The following OPCML variants were observed in gnomAD, a reference collection of about 807,000 sequenced individuals.
OPCML encodes the protein opioid binding protein/cell adhesion molecule like.
Under a neutral mutation model 37.8 loss-of-function variants are expected in OPCML, and 13 were observed. The ratio of observed to expected loss-of-function variants is 0.34; its 90% CI spans 0.22 to 0.55. The LOEUF is 0.55. OPCML is among the 20% of genes least tolerant of loss of function. OPCML has a pLI of 0.91. For synonymous variants in OPCML, 176 were observed against 168.8 expected (o/e 1.04, Z -0.33); for missense variants, 341 against 435.6 (o/e 0.78, Z 1.93).
chr11:132,775,020 T>C (rs1463608760), intron 2 of OPCML, among the ~76,000 whole-genome samples: 1 of 152,254 alleles, frequency 6.6e-6, no homozygotes, highest in Non-Finnish European at 1.5e-5. Context: ...AGAATGAATA[T>C]GAGAGCAGTT....
At chr11:132,995,740 A>G (rs1202169151) in intron 1 of OPCML, among the ~76,000 whole-genome samples, 1 of 152,208 alleles carries the variant, frequency 6.6e-6, no homozygotes, top group Non-Finnish European at 1.5e-5. Flanking sequence ...CAACCAGCTT[A>G]GGGACCCTGA....
chr11:133,050,561 G>A (rs1008554159), intron 1 of OPCML, among the ~76,000 whole-genome samples: 1 of 152,122 alleles, frequency 6.6e-6, no homozygotes, highest in Admixed American at 6.5e-5. Flanking sequence ...ATGAGGTGGA[G>A]CCCAGGGAGG....
chr11:132,703,200 G>A (rs546411145), intron 2 of OPCML, among the ~76,000 whole-genome samples: 15 of 152,178 alleles, frequency 9.9e-5, no homozygotes, highest in African/African-American at 3.4e-4. Flanking sequence ...ATACAACTAA[G>A]CTATATGGTA....
intron 1 of OPCML, among the ~76,000 whole-genome samples, chr11:133,021,940 C>G (rs922529789): frequency 6.6e-6 from 1 of 152,178 alleles, no homozygotes; most frequent in Non-Finnish European, 1.5e-5. Context: ...TAAGCACATG[C>G]AGTGATCTGA....
intron 3 of OPCML, among the ~76,000 whole-genome samples, chr11:132,635,739 A>G (rs1201120907): frequency 6.6e-6 from 1 of 152,190 alleles, no homozygotes; most frequent in Non-Finnish European, 1.5e-5. Flanking sequence ...AACAAGCAGC[A>G]CTTTCTTAAA....
chr11:133,352,513 A>T (rs1447295379), intron 1 of OPCML, among the ~76,000 whole-genome samples: 1 of 152,222 alleles, frequency 6.6e-6, no homozygotes, highest in African/African-American at 2.4e-5. Flanking sequence ...CACAGAAGAA[A>T]TCTACGTATG....
At chr11:133,223,514 C>G (rs758947616) in intron 1 of OPCML, among the ~76,000 whole-genome samples, 2 of 152,048 alleles carry the variant, frequency 1.3e-5, no homozygotes, top group Non-Finnish European at 2.9e-5. Flanking sequence ...GAGGAGGAGG[C>G]ATAGTCGGGA....
At chr11:132,714,660 C>A (rs1024235402) in intron 2 of OPCML, among the ~76,000 whole-genome samples, 1 of 152,156 alleles carries the variant, frequency 6.6e-6, no homozygotes, top group Non-Finnish European at 1.5e-5. Context: ...AGGCCGAGAG[C>A]ACTGGCTTAT....
intron 1 of OPCML, among the ~76,000 whole-genome samples, chr11:133,222,858 G>A (rs1438611820): frequency 6.6e-6 from 1 of 152,152 alleles, no homozygotes; most frequent in Non-Finnish European, 1.5e-5. Context: ...TCAAACACGG[G>A]CTCTGCAGTG....
At chr11:133,159,537 G>C (rs926192772) in intron 1 of OPCML, among the ~76,000 whole-genome samples, 1 of 152,176 alleles carries the variant, frequency 6.6e-6, no homozygotes, top group Non-Finnish European at 1.5e-5. Context: ...TAAAATTTCT[G>C]CTTGGAATTC....
Position 133,108,940 on chromosome 11 carries a change from G to A in OPCML, c.62-165930C>T, listed in dbSNP as rs1446468868. Among the ~76,000 whole-genome samples the A allele has an allele frequency of 2.6e-5, 4 of 152,158 alleles. No individual in the cohort carries two copies. The East Asian group carries it at 7.7e-4, about 29-fold the overall frequency. On this transcript the variant is annotated intron_variant, in intron 1 of 7. Transcript: ENST00000524381. ...CTGACTCCACTGCTCAGGGCCCTTTGCAGGCCTCATGAGGACTCATCCCCA... is the reference window on the plus strand; with the variant it reads ...CTGACTCCACTGCTCAGGGCCCTTTACAGGCCTCATGAGGACTCATCCCCA...
At chr11:133,449,976 T>C (rs1946548669) in intron 1 of OPCML, among the ~76,000 whole-genome samples, 1 of 151,664 alleles carries the variant, frequency 6.6e-6, no homozygotes, top group African/African-American at 2.4e-5. Flanking sequence ...AGGCTGTTTA[T>C]GGGGAAATCT....
rs188076321 is a variant in OPCML at position 133,053,816 on chromosome 11, C to A, written c.62-110806G>T. 3.1e-3 allele frequency among the ~76,000 whole-genome samples: 475 copies of A among 152,244 alleles called. 2 individuals are homozygous for A. Among genetic ancestry groups the A allele is most frequent in the African/African-American group, 0.011 (452 of 41,556 alleles). ...ACTCATTCCTAATGGCTTTGGGATA[C>A]ACACCTCTATTCCCAATCCCTCTTC... On this transcript the variant is annotated intron_variant, in intron 1 of 7. Transcript: ENST00000524381.
chr11:133,396,673 C>G (rs1945292788), intron 1 of OPCML, among the ~76,000 whole-genome samples: 1 of 152,180 alleles, frequency 6.6e-6, no homozygotes, highest in African/African-American at 2.4e-5. Context: ...GCTTAACTTT[C>G]ACTTATCTTT....
At chr11:133,330,336 G>C (rs555696880) in intron 1 of OPCML, among the ~76,000 whole-genome samples, 2 of 152,274 alleles carry the variant, frequency 1.3e-5, no homozygotes, top group South Asian at 2.1e-4. Flanking sequence ...CTATTACTGG[G>C]TGTATACCCA....
intron 1 of OPCML, among the ~76,000 whole-genome samples, chr11:133,348,565 T>C (rs1203086673): frequency 6.6e-6 from 1 of 152,072 alleles, no homozygotes; most frequent in Non-Finnish European, 1.5e-5. Context: ...CACTCACAAA[T>C]AGAGGAGCAG....
intron 3 of OPCML, among the ~76,000 whole-genome samples, chr11:132,535,076 GTATAT>G (rs1166006636): frequency 6.8e-6 from 1 of 147,764 alleles, no homozygotes; most frequent in Non-Finnish European, 1.5e-5. Context: ...ATAATATATT[GTATAT>G]TATATTTAAT....
chr11:133,310,486 A>G (rs942615090), intron 1 of OPCML, among the ~76,000 whole-genome samples: 7 of 152,208 alleles, frequency 4.6e-5, no homozygotes, highest in Non-Finnish European at 7.3e-5. Context: ...ACTTTATGGC[A>G]TAAGGTCAGG....
At chr11:133,373,448 T>TATATATATACACAC (rs966091785) in intron 1 of OPCML, among the ~76,000 whole-genome samples, 2 of 132,150 alleles carry the variant, frequency 1.5e-5, no homozygotes, top group African/African-American at 3.1e-5. Flanking sequence ...TATATATATA[T>TATATATATACACAC]ACACACACAC....
Sources: gnomAD v4.1 joint callset for allele counts (sites outside exome capture counted in the v4.1 genomes callset) on GRCh38, gnomAD v4.1.1 for gene constraint, MANE v1.5 for transcripts, NCBI Gene and HGNC (gene_info 2026-07-23, HGNC 2026-07-21) for gene names.